Variants in C13orf46 observed in about 807,000 individuals in gnomAD.
C13orf46 encodes chromosome 13 open reading frame 46.
the C13orf46 span, among the ~76,000 whole-genome samples, chr13:113,945,605 GAAGAAAGA>G: frequency 0.077 from 7,166 of 93,356 alleles, 350 homozygotes; most frequent in South Asian, 0.11. Flanking sequence ...AAGAAAGAAA[GAAGAAAGA>G]AAGAAAGAAA....
In C13orf46 at chr13:113,954,131, C is replaced by T. The variant is rs2052501831; in HGVS notation, c.*2642G>A. On this transcript the variant is annotated 3_prime_UTR_variant, in exon 7 of 7. Transcript: ENST00000636427. Reference sequence around the variant, plus strand: ...CCTCCCTCCCTGGCTGAGTGATGGGCAGAGCTCACCCTCTGGGAGCCTCTG... The same window carrying T: ...CCTCCCTCCCTGGCTGAGTGATGGGTAGAGCTCACCCTCTGGGAGCCTCTG... The T allele has an allele frequency of 6.6e-6, 1 of 152,242 alleles. No individual in the cohort carries two copies. The allele number at this position is 152,242 out of a possible 1,614,324, so 9.4% of individuals were successfully genotyped here.
the C13orf46 span, among the ~76,000 whole-genome samples, chr13:113,932,206 G>T: frequency 6.6e-6 from 1 of 152,240 alleles, no homozygotes; most frequent in African/African-American, 2.4e-5. Flanking sequence ...TACAGGCAAG[G>T]TTGTTGTGAA....
rs1368814330 is a variant in C13orf46 at position 113,968,320 on chromosome 13, C to G, written c.456+147G>C. 5 of 152,384 alleles carry G rather than the reference C, an allele frequency of 3.3e-5. No individual in the cohort carries two copies. In the East Asian group the frequency reaches 9.7e-4, roughly 29 times the overall value. 9.4% of individuals were successfully genotyped at this position (152,384 alleles called of 1,614,324 possible). On this transcript the variant is annotated intron_variant, in intron 4 of 6. Coordinates refer to ENST00000636427, the MANE Select transcript of C13orf46 (RefSeq NM_001365455.2). The stretch of plus-strand genomic sequence containing the variant: ...TTGGCCCCAAGCCTCTCTAGGGTAG[C>G]AGGGGCCCAGTCAGTCCAGCTTCAC...
chr13:113,945,559 A>AGAGAGAGAGAG, the C13orf46 span, among the ~76,000 whole-genome samples: 1 of 99,900 alleles, frequency 1.0e-5, no homozygotes, highest in Non-Finnish European at 2.3e-5. Flanking sequence ...GAAAGAAAGA[A>AGAGAGAGAGAG]AGAAAGAAAG....
intron 5 of C13orf46, among the ~76,000 whole-genome samples, chr13:113,966,823 T>C (rs2052655282): frequency 6.6e-6 from 1 of 152,074 alleles, no homozygotes; most frequent in Non-Finnish European, 1.5e-5. Flanking sequence ...ATGATGATGA[T>C]GATAAGCTTT....
At chr13:113,972,934 G>A (rs755664422) in intron 1 of C13orf46, among the ~76,000 whole-genome samples, 185 of 152,306 alleles carry the variant, frequency 1.2e-3, no homozygotes, top group African/African-American at 4.2e-3. Flanking sequence ...CCCCAGCAGC[G>A]CAAGGCCTTC....
In C13orf46 at chr13:113,955,307, A is replaced by G. The variant is rs1271379290; in HGVS notation, c.*1466T>C. 80 of 107,768 alleles carry G rather than the reference A, an allele frequency of 7.4e-4. 2 individuals are homozygous for G. The highest frequency in any genetic ancestry group is 3.4e-3 in the East Asian group (8 of 2,386). The allele number at this position is 107,768 out of a possible 1,614,324, so 6.7% of individuals were successfully genotyped here. ...CTGGCGGAGAGGAGTAGTATCTGGC[A>G]GAGAGGAGTAGTATCTGGTGGAGAG... is the stretch of plus-strand genomic sequence containing the variant. On this transcript the variant is annotated 3_prime_UTR_variant, in exon 7 of 7. Coordinates refer to ENST00000636427, the MANE Select transcript of C13orf46 (RefSeq NM_001365455.2).
At chr13:113,971,963 C>T (rs1386266604) in intron 1 of C13orf46, among the ~76,000 whole-genome samples, 1 of 152,208 alleles carries the variant, frequency 6.6e-6, no homozygotes, top group Non-Finnish European at 1.5e-5. Flanking sequence ...CCTGAGGGTG[C>T]TGGTGCCTGG....
the C13orf46 span, among the ~76,000 whole-genome samples, chr13:113,940,301 C>T: frequency 4.6e-5 from 7 of 152,260 alleles, no homozygotes; most frequent in South Asian, 1.0e-3. Context: ...AAGCCCCCCA[C>T]CCCCAGATGA....
At chr13:113,937,990 T>A in the C13orf46 span, among the ~76,000 whole-genome samples, 2 of 152,176 alleles carry the variant, frequency 1.3e-5, no homozygotes, top group African/African-American at 2.4e-5. Flanking sequence ...TGTAGCTTTT[T>A]AAAATCTTTG....
chr13:113,953,850 G>T lies in C13orf46; in HGVS notation c.*2923C>A, dbSNP rs2052499815. ...GCCTTTCTGGTTGGCACAGTTGGAG[G>T]CCGCAACTGAGTCACACCCAACTGC... On this transcript the variant is annotated 3_prime_UTR_variant, in exon 7 of 7. Transcript: ENST00000636427. 1 of 152,230 alleles carries T rather than the reference G, an allele frequency of 6.6e-6. No individual in the cohort carries two copies. The highest frequency in any genetic ancestry group is 1.5e-5 in the Non-Finnish European group (1 of 68,046). The allele number at this position is 152,230 out of a possible 1,614,324, so 9.4% of individuals were successfully genotyped here. A position where few individuals can be genotyped will look rare whatever the true frequency, so the allele number is the denominator to read the frequency against.
chr13:113,965,726 T>C (rs941789086), intron 5 of C13orf46, among the ~76,000 whole-genome samples: 1 of 142,876 alleles, frequency 7.0e-6, no homozygotes, highest in Non-Finnish European at 1.5e-5. Context: ...ATGGTGGTGA[T>C]GATGGTGAAG....
the C13orf46 span, among the ~76,000 whole-genome samples, chr13:113,939,999 G>A: frequency 1.8e-3 from 270 of 152,324 alleles, 1 homozygote; most frequent in African/African-American, 6.3e-3. Context: ...GGGCTCTGAC[G>A]CAGGGGGACC....
At chr13:113,948,928 G>A (rs2052479395), downstream of C13orf46, among the ~76,000 whole-genome samples, 2 of 152,144 alleles carry the variant, frequency 1.3e-5, no homozygotes, top group African/African-American at 4.8e-5. Flanking sequence ...CACCACATTT[G>A]TTTACCCTAA....
chr13:113,930,556 C>T, the C13orf46 span, among the ~76,000 whole-genome samples: 3 of 152,204 alleles, frequency 2.0e-5, no homozygotes, highest in Non-Finnish European at 4.4e-5. Flanking sequence ...AGGTCAGAGT[C>T]CTGGGGGGTT....
the C13orf46 span, among the ~76,000 whole-genome samples, chr13:113,935,500 T>A: frequency 6.6e-6 from 1 of 152,246 alleles, no homozygotes; most frequent in South Asian, 2.1e-4. Flanking sequence ...GTCCTGATTC[T>A]ACCAACCCTG....
At chr13:113,931,925 T>TC in the C13orf46 span, among the ~76,000 whole-genome samples, 15,135 of 151,638 alleles carry the variant, frequency 0.1, 1,057 homozygotes, top group Non-Finnish European at 0.15. Flanking sequence ...GGACATCCCC[T>TC]CCCCCAGGCT....
chr13:113,969,635 T>A (rs1190198580), intron 2 of C13orf46, among the ~76,000 whole-genome samples: 3 of 152,346 alleles, frequency 2.0e-5, no homozygotes, highest in South Asian at 4.1e-4. Context: ...TTTTGAGGAA[T>A]TCAATGACTT....
the C13orf46 span, among the ~76,000 whole-genome samples, chr13:113,943,958 G>A: frequency 6.6e-6 from 1 of 152,174 alleles, no homozygotes; most frequent in Non-Finnish European, 1.5e-5. Flanking sequence ...ATCACTGACG[G>A]GCTGCTCTGC....
Sources: allele counts gnomAD v4.1 joint callset (sites outside exome capture counted in the v4.1 genomes callset), GRCh38; gene constraint gnomAD v4.1.1; transcripts MANE v1.5; gene names NCBI Gene and HGNC (gene_info 2026-07-23, HGNC 2026-07-21).